The following SLC24A3 variants were observed in gnomAD, a reference collection of about 807,000 sequenced individuals.
SLC24A3 encodes the protein sodium/potassium/calcium exchanger 3.
Under a neutral mutation model 75.8 loss-of-function variants are expected in SLC24A3, and 28 were observed. The observed-to-expected ratio is 0.37, with a 90% CI of 0.27 to 0.51. The LOEUF (loss-of-function observed/expected upper bound fraction) is 0.51, where lower values mean the gene tolerates loss of function less well. Ranked by LOEUF, SLC24A3 falls within the 20% of genes least tolerant of loss-of-function variation. The pLI, the probability that SLC24A3 is intolerant of heterozygous loss-of-function variation, is 0.94. For synonymous variants in SLC24A3, 372 were observed against 334.1 expected (o/e 1.11, Z -1.24); for missense variants, 663 against 847.8 (o/e 0.78, Z 2.71).
At chr20:19,661,369 T>C (rs2032324206) in intron 7 of SLC24A3, among the ~76,000 whole-genome samples, 1 of 152,154 alleles carries the variant, frequency 6.6e-6, no homozygotes, top group Admixed American at 6.5e-5. Context: ...GTGATACTGG[T>C]GCCTAACAGC....
intron 2 of SLC24A3, among the ~76,000 whole-genome samples, chr20:19,443,209 C>A (rs1987324716): frequency 6.6e-6 from 1 of 152,136 alleles, no homozygotes; most frequent in Non-Finnish European, 1.5e-5. Context: ...TTGTTCATAT[C>A]CACAAAATTA....
At chr20:19,555,946 T>C (rs1032378335) in intron 3 of SLC24A3, among the ~76,000 whole-genome samples, 1 of 152,152 alleles carries the variant, frequency 6.6e-6, no homozygotes, top group African/African-American at 2.4e-5. Flanking sequence ...CACAGAAATT[T>C]ATTTCTCACA....
At position 19,721,097 on chromosome 20, in the gene SLC24A3, A is replaced by C; in HGVS notation, c.1892A>C (p.Asn631Thr). ...TGCTTCTCCATCATGACTGAGTTCA[A>C]CGTGTTCACCTTTGTGAACCTGCCC... Reference protein sequence around the residue: ...FLCFSIMTEFNVFTFVNLPMC... With the variant: ...FLCFSIMTEFTVFTFVNLPMC... The change falls in exon 17 of 17, where the codon AAC becomes ACC. Residue 631 changes from asparagine (N) to threonine (T), a missense_variant. Physicochemically the swap from Asn to Thr is moderately conservative, Grantham distance 65. This residue lies in a region of SLC24A3 where 510 missense variants were observed against 703.6 expected (regional missense o/e 0.72). Coordinates refer to ENST00000328041, the MANE Select transcript of SLC24A3 (RefSeq NM_020689.4). 6.2e-7 allele frequency: 1 copy of C among 1,614,114 alleles called. No individual in the cohort carries two copies. The highest frequency in any genetic ancestry group is 8.5e-7 in the Non-Finnish European group (1 of 1,180,012).
chr20:19,635,867 G>A lies in SLC24A3; in HGVS notation c.613-18195G>A, dbSNP rs375721406. On this transcript the variant is annotated intron_variant, in intron 6 of 16. Transcript: ENST00000328041. Reference sequence around the variant, plus strand: ...GAAAATAAGAAAGATCAGGCCAGGCGCGGTGGCTTACACCTGTAATCCCAG... The same window carrying A: ...GAAAATAAGAAAGATCAGGCCAGGCACGGTGGCTTACACCTGTAATCCCAG... 2.2e-4 allele frequency among the ~76,000 whole-genome samples: 34 copies of A among 152,302 alleles called. 1 individual carries two copies. Among genetic ancestry groups the A allele is most frequent in the East Asian group, 5.8e-4 (3 of 5,186 alleles).
At chr20:19,418,110 C>G (rs1986856964) in intron 2 of SLC24A3, among the ~76,000 whole-genome samples, 1 of 152,038 alleles carries the variant, frequency 6.6e-6, no homozygotes, top group African/African-American at 2.4e-5. Context: ...GCTCCTCACT[C>G]AAATATGAAA....
intron 2 of SLC24A3, among the ~76,000 whole-genome samples, chr20:19,426,785 T>C (rs1442976203): frequency 1.3e-5 from 2 of 152,114 alleles, no homozygotes. Flanking sequence ...CCTAGGAGCA[T>C]GGGTCAGGAG....
At chr20:19,616,687 G>A (rs912107536) in intron 6 of SLC24A3, among the ~76,000 whole-genome samples, 22 of 152,082 alleles carry the variant, frequency 1.4e-4, no homozygotes, top group Non-Finnish European at 8.8e-5. Flanking sequence ...TGGAGGACAT[G>A]GGAAGATCTA....
At chr20:19,549,323 C>A (rs946478153) in intron 3 of SLC24A3, among the ~76,000 whole-genome samples, 3 of 152,074 alleles carry the variant, frequency 2.0e-5, no homozygotes, top group African/African-American at 7.2e-5. Context: ...GGGAAACAAT[C>A]CAGAAGGAAT....
At chr20:19,408,591 T>C (rs923533566) in intron 2 of SLC24A3, among the ~76,000 whole-genome samples, 1 of 152,052 alleles carries the variant, frequency 6.6e-6, no homozygotes, top group Non-Finnish European at 1.5e-5. Flanking sequence ...GGTTTCACCA[T>C]GTTGGCCAAG....
chr20:19,228,245 T>C (rs2122143120), intron 1 of SLC24A3, among the ~76,000 whole-genome samples: 2 of 152,336 alleles, frequency 1.3e-5, no homozygotes, highest in Middle Eastern at 3.4e-3. Flanking sequence ...TGGAAGACTA[T>C]GTGCTGTCCA....
intron 3 of SLC24A3, among the ~76,000 whole-genome samples, chr20:19,565,292 G>T (rs373060907): frequency 2.6e-5 from 4 of 152,064 alleles, no homozygotes; most frequent in Non-Finnish European, 5.9e-5. Flanking sequence ...AGCTCTGTGT[G>T]CTTTGCTACG....
At chr20:19,229,526 A>G (rs537237123) in intron 1 of SLC24A3, among the ~76,000 whole-genome samples, 10 of 152,258 alleles carry the variant, frequency 6.6e-5, no homozygotes, top group Non-Finnish European at 1.3e-4. Flanking sequence ...GGTACTTTTC[A>G]AATAGTCTTG....
At chr20:19,618,249 T>G (rs1363274237) in intron 6 of SLC24A3, among the ~76,000 whole-genome samples, 1 of 152,194 alleles carries the variant, frequency 6.6e-6, no homozygotes, top group East Asian at 1.9e-4. Context: ...TGGGCTGCCA[T>G]AGCAAAGCAC....
In SLC24A3 at chr20:19,375,312, A is replaced by G. The variant is rs1401171162; in HGVS notation, c.271+94225A>G. 2.6e-5 allele frequency among the ~76,000 whole-genome samples: 4 copies of G among 152,226 alleles called. No homozygotes were observed. The East Asian group carries it at 7.7e-4, about 29-fold the overall frequency. On this transcript the variant is annotated intron_variant, in intron 2 of 16. Transcript: ENST00000328041. ...ACACCCTGTCTCAATGCTGTGGTGC[A>G]TAGAGTGTAGTTAAAGTTGATGGTT...
chr20:19,640,251 C>T (rs568608788), intron 6 of SLC24A3, among the ~76,000 whole-genome samples: 2 of 152,304 alleles, frequency 1.3e-5, no homozygotes, highest in East Asian at 1.9e-4. Context: ...CCTAACAAGA[C>T]ATCAATACAA....
chr20:19,281,001 T>C lies in SLC24A3; in HGVS notation c.185T>C (p.Met62Thr). The C allele has an allele frequency of 1.2e-6, 2 of 1,614,058 alleles. No homozygotes were observed. The highest frequency in any genetic ancestry group is 1.7e-6 in the Non-Finnish European group (2 of 1,179,980). Reference sequence around the variant, plus strand: ...CTCGTAGGGGAAGACAGAAAGTGGATGATGGCGAGGAAGCTGATGCAGGTG... The same window carrying C: ...CTCGTAGGGGAAGACAGAAAGTGGACGATGGCGAGGAAGCTGATGCAGGTG... ...MDLVGEDRKW[M>T]MARKLMQVND... Residue 62 changes from methionine to threonine, a missense_variant, in exon 2 of 17, where the codon ATG becomes ACG. Physicochemically the swap from Met to Thr is moderately conservative, Grantham distance 81. This residue lies in a region of SLC24A3 where 153 missense variants were observed against 144.2 expected (regional missense o/e 1.06). Coordinates refer to ENST00000328041, the MANE Select transcript of SLC24A3 (RefSeq NM_020689.4).
At chr20:19,358,535 T>A (rs1985730512) in intron 2 of SLC24A3, among the ~76,000 whole-genome samples, 1 of 152,142 alleles carries the variant, frequency 6.6e-6, no homozygotes, top group Non-Finnish European at 1.5e-5. Context: ...TAAGGCCCCT[T>A]CCAGCACCTA....
chr20:19,462,390 G>T (rs1182366934), intron 2 of SLC24A3, among the ~76,000 whole-genome samples: 13 of 152,082 alleles, frequency 8.5e-5, no homozygotes, highest in African/African-American at 3.1e-4. Context: ...CTCCCTAGTA[G>T]GGACTACGGG....
intron 15 of SLC24A3, among the ~76,000 whole-genome samples, chr20:19,710,665 C>T (rs1252244634): frequency 6.6e-6 from 1 of 152,178 alleles, no homozygotes; most frequent in Non-Finnish European, 1.5e-5. Context: ...ACTGTGCAGG[C>T]CTGTCCAAAG....
Sources: allele counts gnomAD v4.1 joint callset (sites outside exome capture counted in the v4.1 genomes callset), GRCh38; gene constraint gnomAD v4.1.1; regional missense constraint gnomAD v4.1.1; transcripts MANE v1.5; gene names NCBI Gene and HGNC (gene_info 2026-07-23, HGNC 2026-07-21).